The following XRCC4 variants were observed in gnomAD, a reference collection of about 807,000 sequenced individuals.
XRCC4 encodes the protein X-ray repair cross complementing 4.
A neutral mutation model predicts 39.1 loss-of-function variants in XRCC4; 28 were observed. The ratio of observed to expected loss-of-function variants is 0.72; its 90% confidence interval spans 0.53 to 0.98. The LOEUF (loss-of-function observed/expected upper bound fraction) is 0.98, where lower values mean the gene tolerates loss of function less well. XRCC4 is among the 50% of genes least tolerant of loss of function. XRCC4 has a pLI of 0.00. For missense variants in XRCC4, 350 were observed against 376.4 expected, an observed-to-expected ratio of 0.93 and a Z score of 0.58; for synonymous variants, 123 against 126.4, an observed-to-expected ratio of 0.97 and a Z score of 0.18.
intron 7 of XRCC4, among the ~76,000 whole-genome samples, chr5:83,334,974 G>A (rs1245553088): frequency 6.6e-6 from 1 of 151,954 alleles, no homozygotes; most frequent in South Asian, 2.1e-4. Context: ...ATATTTATTT[G>A]ATTATGATTC....
At chr5:83,277,854 T>C (rs1754388972) in intron 7 of XRCC4, among the ~76,000 whole-genome samples, 2 of 152,364 alleles carry the variant, frequency 1.3e-5, no homozygotes, top group Admixed American at 6.5e-5. Context: ...TATACATTCT[T>C]TGATGATTTT....
intron 7 of XRCC4, among the ~76,000 whole-genome samples, chr5:83,312,373 C>G (rs1264975027): frequency 1.3e-5 from 2 of 152,146 alleles, no homozygotes; most frequent in Non-Finnish European, 2.9e-5. Flanking sequence ...TTAGACCACT[C>G]TAGGCACTAT....
chr5:83,212,369 A>T (rs1322368763), intron 6 of XRCC4, among the ~76,000 whole-genome samples: 1 of 152,144 alleles, frequency 6.6e-6, no homozygotes, highest in Non-Finnish European at 1.5e-5. Context: ...AATAAAAAAA[A>T]ATCAGTGAAC....
chr5:83,352,928 A>G (rs1757121601), intron 7 of XRCC4, among the ~76,000 whole-genome samples: 1 of 152,168 alleles, frequency 6.6e-6, no homozygotes, highest in Non-Finnish European at 1.5e-5. Flanking sequence ...TTAGGTCAGA[A>G]TAGAGACATT....
chr5:83,195,639 A>G, intron 3 of XRCC4, 131 bp from the exon 4 acceptor site: 1 of 860,014 alleles, frequency 1.2e-6, no homozygotes, highest in East Asian at 2.8e-5. Context: ...CTGTTTGTAT[A>G]TCTTGTAAAT....
At chr5:83,273,196 T>C (rs1754202543) in intron 7 of XRCC4, among the ~76,000 whole-genome samples, 1 of 152,252 alleles carries the variant, frequency 6.6e-6, no homozygotes, top group Non-Finnish European at 1.5e-5. Context: ...CTTTTTTTCA[T>C]ATGTCTGTTG....
intron 3 of XRCC4, among the ~76,000 whole-genome samples, chr5:83,160,194 A>C (rs547353872): frequency 6.6e-6 from 1 of 152,300 alleles, no homozygotes; most frequent in South Asian, 2.1e-4. Context: ...GAGCCATTTA[A>C]AATGTTAACT....
chr5:83,357,550 A>G (rs1470846868), downstream of XRCC4, among the ~76,000 whole-genome samples: 5 of 152,230 alleles, frequency 3.3e-5, no homozygotes, highest in Admixed American at 1.3e-4. Context: ...ACATGGCATT[A>G]ATGCCTAAAT....
intron 6 of XRCC4, among the ~76,000 whole-genome samples, chr5:83,239,197 T>C (rs781190229): frequency 6.6e-6 from 1 of 152,062 alleles, no homozygotes; most frequent in Non-Finnish European, 1.5e-5. Flanking sequence ...TTGAATAAGA[T>C]ATTGTCTCTG....
intron 7 of XRCC4, among the ~76,000 whole-genome samples, chr5:83,288,628 A>G (rs1017367499): frequency 2.0e-5 from 3 of 151,750 alleles, no homozygotes; most frequent in Admixed American, 6.6e-5. Context: ...TTTTGTTTAC[A>G]TGGCTTCTGA....
intron 1 of XRCC4, among the ~76,000 whole-genome samples, chr5:83,093,014 G>GACACACACACAC (rs34020910): frequency 9.8e-4 from 146 of 149,430 alleles, no homozygotes; most frequent in African/African-American, 3.3e-3. Flanking sequence ...TAAATGAATG[G>GACACACACACAC]ACACACACAC....
intron 6 of XRCC4, among the ~76,000 whole-genome samples, chr5:83,246,282 A>G (rs1160211367): frequency 1.3e-5 from 2 of 152,124 alleles, no homozygotes; most frequent in Non-Finnish European, 2.9e-5. Flanking sequence ...TCTGGTAACC[A>G]TTATTTACAA....
chr5:83,198,859 A>G (rs2112711838), intron 4 of XRCC4, among the ~76,000 whole-genome samples: 1 of 152,306 alleles, frequency 6.6e-6, no homozygotes, highest in African/African-American at 2.4e-5. Context: ...TGTATAGTGT[A>G]GATAAAGGAG....
chr5:83,282,441 C>T (rs1307557299), intron 7 of XRCC4, among the ~76,000 whole-genome samples: 1 of 151,974 alleles, frequency 6.6e-6, no homozygotes, highest in East Asian at 1.9e-4. Flanking sequence ...TCAGAAAAGC[C>T]ACAGGCTCTT....
chr5:83,210,793 T>A (rs991476298), intron 6 of XRCC4, among the ~76,000 whole-genome samples: 2 of 152,190 alleles, frequency 1.3e-5, no homozygotes, highest in Non-Finnish European at 2.9e-5. Context: ...AATGCACATA[T>A]TTCTGTTGAA....
intron 6 of XRCC4, among the ~76,000 whole-genome samples, chr5:83,222,481 C>A (rs539267645): frequency 6.6e-6 from 1 of 152,186 alleles, no homozygotes; most frequent in East Asian, 1.9e-4. Context: ...CTGTCCACAT[C>A]TTTATCTTTT....
At chr5:83,232,394 A>G (rs560425554) in intron 6 of XRCC4, among the ~76,000 whole-genome samples, 1 of 152,240 alleles carries the variant, frequency 6.6e-6, no homozygotes, top group East Asian at 1.9e-4. Context: ...AACAATTTTC[A>G]TCAAATCAAA....
At chr5:83,160,409 T>C (rs536719323) in intron 3 of XRCC4, among the ~76,000 whole-genome samples, 1 of 152,326 alleles carries the variant, frequency 6.6e-6, no homozygotes, top group South Asian at 2.1e-4. Context: ...GCAGTATCTG[T>C]TTGGAAAGCA....
intron 7 of XRCC4, among the ~76,000 whole-genome samples, chr5:83,313,077 C>CT (rs1344060451): frequency 4.6e-5 from 4 of 86,278 alleles, no homozygotes; most frequent in Non-Finnish European, 1.1e-4. Flanking sequence ...CTTTTCTTTT[C>CT]TTTCTTTTTT....
Sources: gnomAD v4.1 joint callset for allele counts (sites outside exome capture counted in the v4.1 genomes callset) on GRCh38, gnomAD v4.1.1 for gene constraint, MANE v1.5 for transcripts, NCBI Gene and HGNC (gene_info 2026-07-23, HGNC 2026-07-21) for gene names.